Variants in AGBL1 observed in about 807,000 individuals in gnomAD.
The protein encoded by AGBL1 is AGBL carboxypeptidase 1.
AGBL1 carries 130 observed loss-of-function variants against 118.9 expected under a neutral mutation model. That is an observed-to-expected ratio of 1.09 (90% CI 0.95 to 1.26). The LOEUF (loss-of-function observed/expected upper bound fraction) is 1.26, where lower values mean the gene tolerates loss of function less well. Ranked by LOEUF, AGBL1 falls within the 50% of genes most tolerant of loss-of-function variation. The probability of loss-of-function intolerance (pLI) is 0.00; values close to 1 mark genes in which losing one functional copy is unlikely to be tolerated. For missense variants in AGBL1, 1,584 were observed against 1,298.1 expected, an observed-to-expected ratio of 1.22 and a Z score of -3.38; for synonymous variants, 555 against 478.9, an observed-to-expected ratio of 1.16 and a Z score of -2.08.
chr15:86,960,326 A>G (rs1361045498), intron 23 of AGBL1, among the ~76,000 whole-genome samples: 1 of 152,042 alleles, frequency 6.6e-6, no homozygotes, highest in South Asian at 2.1e-4. Flanking sequence ...ACTTATGCTC[A>G]TATCTATAAA....
chr15:86,488,763 A>C (rs751188165), intron 18 of AGBL1, among the ~76,000 whole-genome samples: 1 of 151,958 alleles, frequency 6.6e-6, no homozygotes, highest in Non-Finnish European at 1.5e-5. Flanking sequence ...GCCCTTTCCA[A>C]TGATGGGGAA....
intron 10 of AGBL1, among the ~76,000 whole-genome samples, chr15:86,263,192 A>G (rs1260003462): frequency 6.6e-6 from 1 of 152,174 alleles, no homozygotes; most frequent in Admixed American, 6.5e-5. Flanking sequence ...ATATTCCTTG[A>G]TGGTCCCATA....
intron 21 of AGBL1, among the ~76,000 whole-genome samples, chr15:86,560,020 T>C (rs2083791683): frequency 6.6e-6 from 1 of 152,188 alleles, no homozygotes; most frequent in Non-Finnish European, 1.5e-5. Context: ...TGGTTTCTGC[T>C]ACATTATGTT....
chr15:86,325,982 C>T (rs946769861), intron 17 of AGBL1, among the ~76,000 whole-genome samples: 5 of 152,132 alleles, frequency 3.3e-5, no homozygotes, highest in African/African-American at 1.2e-4. Flanking sequence ...TCCCTTATCC[C>T]CTCCTGTATC....
intron 22 of AGBL1, among the ~76,000 whole-genome samples, chr15:86,800,631 A>G (rs950104706): frequency 6.6e-6 from 1 of 152,188 alleles, no homozygotes; most frequent in Non-Finnish European, 1.5e-5. Flanking sequence ...AAAGTAAGAC[A>G]TAATTTAAAA....
At chr15:86,930,733 A>C (rs144485225) in intron 23 of AGBL1, among the ~76,000 whole-genome samples, 1 of 152,196 alleles carries the variant, frequency 6.6e-6, no homozygotes, top group Non-Finnish European at 1.5e-5. Context: ...AGTGAGATAG[A>C]TCAGGGATCC....
At chr15:86,315,387 C>T (rs1390521238) in intron 17 of AGBL1, among the ~76,000 whole-genome samples, 1 of 152,048 alleles carries the variant, frequency 6.6e-6, no homozygotes, top group Non-Finnish European at 1.5e-5. Context: ...AATGAAATAC[C>T]TGTAGTATTT....
chr15:86,393,656 C>G (rs920356289), intron 17 of AGBL1, among the ~76,000 whole-genome samples: 1 of 143,408 alleles, frequency 7.0e-6, no homozygotes, highest in African/African-American at 2.7e-5. Context: ...TTGTGCCTAG[C>G]TAGCTAACTG....
intron 22 of AGBL1, among the ~76,000 whole-genome samples, chr15:86,874,745 A>G (rs1596578032): frequency 6.6e-6 from 1 of 152,202 alleles, no homozygotes; most frequent in African/African-American, 2.4e-5. Flanking sequence ...ATGTAACCCC[A>G]TATTATGAGT....
At chr15:86,444,778 G>C (rs2082102223) in intron 18 of AGBL1, among the ~76,000 whole-genome samples, 1 of 152,058 alleles carries the variant, frequency 6.6e-6, no homozygotes, top group East Asian at 1.9e-4. Context: ...CACAAGACAA[G>C]GGGCCACCCA....
At chr15:86,256,048 A>G (rs1399418122) in intron 7 of AGBL1, among the ~76,000 whole-genome samples, 2 of 152,172 alleles carry the variant, frequency 1.3e-5, no homozygotes, top group Admixed American at 1.3e-4. Context: ...GGACCCCACA[A>G]GTCATCTTCC....
chr15:86,431,594 A>G (rs543277947), intron 18 of AGBL1, among the ~76,000 whole-genome samples: 6 of 152,308 alleles, frequency 3.9e-5, no homozygotes, highest in East Asian at 3.9e-4. Context: ...CTTTCACACT[A>G]ATTAGTCTTG....
At chr15:86,269,426 A>G (rs1468405686) in intron 13 of AGBL1, among the ~76,000 whole-genome samples, 2 of 152,240 alleles carry the variant, frequency 1.3e-5, no homozygotes, top group East Asian at 3.8e-4. Context: ...TCTCTGGTAT[A>G]TAGCACACTT....
At chr15:86,289,809 C>A (rs1195955884) in intron 16 of AGBL1, among the ~76,000 whole-genome samples, 1 of 152,192 alleles carries the variant, frequency 6.6e-6, no homozygotes, top group Non-Finnish European at 1.5e-5. Context: ...ATAGTCTCCT[C>A]ATCTCAAATT....
intron 22 of AGBL1, among the ~76,000 whole-genome samples, chr15:86,718,539 G>GA (rs964139210): frequency 1.3e-5 from 2 of 151,778 alleles, no homozygotes; most frequent in East Asian, 1.9e-4. Flanking sequence ...GTAATAATAA[G>GA]AAAAAAACCA....
intron 18 of AGBL1, among the ~76,000 whole-genome samples, chr15:86,476,103 C>A (rs928917717): frequency 1.3e-4 from 20 of 152,138 alleles, no homozygotes; most frequent in Non-Finnish European, 2.5e-4. Flanking sequence ...AAAGGAACAA[C>A]CAGTACCAGC....
At chr15:86,476,379 G>A (rs1409485368) in intron 18 of AGBL1, among the ~76,000 whole-genome samples, 2 of 152,134 alleles carry the variant, frequency 1.3e-5, no homozygotes, top group Non-Finnish European at 1.5e-5. Context: ...TAAAGGGGTG[G>A]AGAAAGATCT....
intron 21 of AGBL1, among the ~76,000 whole-genome samples, chr15:86,591,471 G>GGC (rs1350035211): frequency 6.6e-6 from 1 of 152,206 alleles, no homozygotes; most frequent in African/African-American, 2.4e-5. Context: ...CCACTGGCTT[G>GGC]AAGTTGGGGT....
chr15:86,553,348 T>A (rs2083689043), intron 20 of AGBL1, among the ~76,000 whole-genome samples: 2 of 152,172 alleles, frequency 1.3e-5, no homozygotes, highest in Non-Finnish European at 1.5e-5. Context: ...GATCCCTTTC[T>A]GTCAATCAGG....
Sources: allele counts gnomAD v4.1 joint callset (sites outside exome capture counted in the v4.1 genomes callset), GRCh38; gene constraint gnomAD v4.1.1; transcripts MANE v1.5; gene names NCBI Gene and HGNC (gene_info 2026-07-23, HGNC 2026-07-21).